Variants in SCAF8 observed in about 807,000 individuals in gnomAD.
SCAF8 encodes SR-related and CTD-associated factor 8.
SCAF8 carries 23 observed loss-of-function variants against 140.5 expected under a neutral mutation model. The ratio of observed to expected loss-of-function variants is 0.16; its 90% confidence interval spans 0.12 to 0.23. The LOEUF is 0.23. Ranked by LOEUF, SCAF8 falls within the 10% of genes least tolerant of loss-of-function variation. SCAF8 has a pLI of 1.00. For synonymous variants in SCAF8, 575 were observed against 528.9 expected, an observed-to-expected ratio of 1.09 and a Z score of -1.20; for missense variants, 1,397 against 1,555.7, an observed-to-expected ratio of 0.90 and a Z score of 1.72.
At chr6:154,788,046 T>G (rs1777304306) in intron 4 of SCAF8, 24 bp downstream of exon 4, 2 of 1,567,222 alleles carry the variant, frequency 1.3e-6, no homozygotes, top group Non-Finnish European at 1.7e-6. Context: ...TTTTTTTTTT[T>G]GTTTTTTTAA....
chr6:154,736,358 C>T (rs909601588), intron 1 of SCAF8, among the ~76,000 whole-genome samples: 1 of 150,540 alleles, frequency 6.6e-6, no homozygotes, highest in African/African-American at 2.5e-5. Flanking sequence ...GCAACCTCCA[C>T]CTCCTGGGTT....
chr6:154,831,825 A>G (rs924027569), intron 19 of SCAF8, 114 bp from the exon 20 acceptor site: 1 of 756,698 alleles, frequency 1.3e-6, no homozygotes, highest in African/African-American at 1.8e-5. Flanking sequence ...AAAAGATGTC[A>G]TGTAGTAGCT....
intron 2 of SCAF8, among the ~76,000 whole-genome samples, chr6:154,777,437 C>G (rs909347383): frequency 8.5e-5 from 13 of 152,114 alleles, no homozygotes; most frequent in African/African-American, 2.9e-4. Flanking sequence ...TCCGCTGATT[C>G]ATTTTGTCTG....
intron 6 of SCAF8, among the ~76,000 whole-genome samples, chr6:154,800,556 A>T (rs987274735): frequency 9.9e-5 from 15 of 151,656 alleles, no homozygotes; most frequent in African/African-American, 3.1e-4. Context: ...TGTTGAAGTC[A>T]CATGATCTTA....
intron 6 of SCAF8, among the ~76,000 whole-genome samples, 163 bp downstream of exon 6, chr6:154,795,302 T>C (rs1777569036): frequency 6.6e-6 from 1 of 152,222 alleles, no homozygotes; most frequent in Non-Finnish European, 1.5e-5. Flanking sequence ...TAATAGTGCA[T>C]CATGAATGCT....
chr6:154,805,713 G>A (rs962857948), intron 9 of SCAF8, among the ~76,000 whole-genome samples: 4 of 151,488 alleles, frequency 2.6e-5, no homozygotes, highest in Non-Finnish European at 4.4e-5. Context: ...GGTTTTTTCT[G>A]TAATCAAATT....
Position 154,823,827 on chromosome 6 carries a change from A to C in SCAF8, c.1927-407A>C, listed in dbSNP as rs184104475. 5.3e-5 allele frequency among the ~76,000 whole-genome samples: 8 copies of C among 152,338 alleles called. No individual in the cohort carries two copies. The East Asian group carries it at 1.4e-3, about 26-fold the overall frequency. ...ACTTTACCTAGAGTGAGTAAAAGGT[A>C]CTTATGCTAGGATTAGAAAATAAAT... On this transcript the variant is annotated intron_variant, in intron 16 of 19. Coordinates refer to ENST00000367178, the MANE Select transcript of SCAF8 (RefSeq NM_014892.5).
chr6:154,809,152 C>T (rs1051848375), intron 11 of SCAF8, among the ~76,000 whole-genome samples: 1 of 151,870 alleles, frequency 6.6e-6, no homozygotes, highest in Non-Finnish European at 1.5e-5. Context: ...CACAGTGATA[C>T]CAAAAATGGT....
At chr6:154,767,962 A>G (rs1776629764) in intron 1 of SCAF8, among the ~76,000 whole-genome samples, 1 of 152,164 alleles carries the variant, frequency 6.6e-6, no homozygotes, top group Admixed American at 6.5e-5. Context: ...GGATCACATA[A>G]TGACTTACCT....
Position 154,833,521 on chromosome 6 carries a change from C to A in SCAF8, c.*126C>A. ...ATTAAGTTAATCTGATGTTCATGTT[C>A]ACCTTTCTCTTAAAATAATTGTACA... On this transcript the variant is annotated 3_prime_UTR_variant, in exon 20 of 20. Coordinates refer to ENST00000367178, the MANE Select transcript of SCAF8 (RefSeq NM_014892.5). The A allele has an allele frequency of 1.2e-6, 1 of 861,190 alleles. No homozygotes were observed. The highest frequency in any genetic ancestry group is 1.8e-6 in the Non-Finnish European group (1 of 561,786). The allele number at this position is 861,190 out of a possible 1,614,324, so 53.3% of individuals were successfully genotyped here. A position where few individuals can be genotyped will look rare whatever the true frequency, so the allele number is the denominator to read the frequency against.
rs1023974090 is a variant in SCAF8, at chr6:154,733,704, C to G, written c.-197C>G. 6 of 1,315,522 alleles carry G rather than the reference C, an allele frequency of 4.6e-6. No homozygotes were observed. The African/African-American group carries it at 9.3e-5, about 20-fold the overall frequency. The allele number at this position is 1,315,522 out of a possible 1,614,324, so 81.5% of individuals were successfully genotyped here. A position where few individuals can be genotyped will look rare whatever the true frequency, so the allele number is the denominator to read the frequency against. On this transcript the variant is annotated 5_prime_UTR_variant, in exon 1 of 20. Coordinates refer to ENST00000367178, the MANE Select transcript of SCAF8 (RefSeq NM_014892.5). ...GCTCCCCCCGCCCTAGCGGCCATGC[C>G]GGTGCCGCTCTGCCGCTGAGGGAGC...
intron 18 of SCAF8, among the ~76,000 whole-genome samples, chr6:154,827,953 C>G (rs1277403078): frequency 6.6e-6 from 1 of 152,036 alleles, no homozygotes; most frequent in Non-Finnish European, 1.5e-5. Context: ...TGCACAGGCT[C>G]TCATTATCAA....
At chr6:154,766,865 T>C (rs916294112) in intron 1 of SCAF8, among the ~76,000 whole-genome samples, 1 of 152,118 alleles carries the variant, frequency 6.6e-6, no homozygotes, top group African/African-American at 2.4e-5. Context: ...CAGACTTATA[T>C]GATGTTCTAT....
intron 1 of SCAF8, among the ~76,000 whole-genome samples, chr6:154,741,276 G>T: frequency 6.6e-6 from 1 of 152,198 alleles, no homozygotes; most frequent in East Asian, 1.9e-4. Flanking sequence ...TTTTAGGCAT[G>T]ATGGAAATGC....
At position 154,795,572 on chromosome 6, in the gene SCAF8, C is replaced by T. The variant is rs991701037; in HGVS notation, c.606+433C>T. Among the ~76,000 whole-genome samples, 19 of 152,060 alleles carry T rather than the reference C, an allele frequency of 1.2e-4. 1 individual carries two copies. The highest frequency in any genetic ancestry group is 8.5e-4 in the Admixed American group (13 of 15,274). The stretch of plus-strand genomic sequence containing the variant: ...TTGGGGGAAGGGGTCAGGAGTAGAG[C>T]GGATAGCCAACAGGAGGTGTATTTG... On this transcript the variant is annotated intron_variant, in intron 6 of 19. Transcript: ENST00000367178.
At chr6:154,792,754 C>T (rs1777460545) in intron 4 of SCAF8, 69 bp from the exon 5 acceptor site, 1 of 1,072,086 alleles carries the variant, frequency 9.3e-7, no homozygotes, top group Non-Finnish European at 1.3e-6. Flanking sequence ...CCCAGATAGC[C>T]TCTATGAAAT....
At position 154,818,506 on chromosome 6, in the gene SCAF8, G is replaced by A. The variant is rs1778320093; in HGVS notation, c.1549G>A (p.Val517Ile). The A allele has an allele frequency of 1.9e-6, 3 of 1,606,454 alleles. No homozygotes were observed. In the African/African-American group the frequency reaches 4.0e-5, roughly 22 times the overall value. The change falls in exon 14 of 20, where the codon GTC (valine) becomes ATC (isoleucine). Residue 517 changes from valine to isoleucine, a missense_variant. By Grantham distance (29) the Val-to-Ile change is conservative (BLOSUM62 3). Transcript: ENST00000367178. ...GATTCCTCCCCGGGGCTGTGCTTAT[G>A]TCTGCATGGTTCATCGACAAGATGC... ...NMIPPRGCAY[V>I]CMVHRQDAFR...
chr6:154,745,339 A>G (rs1778671845), intron 1 of SCAF8, among the ~76,000 whole-genome samples: 1 of 152,218 alleles, frequency 6.6e-6, no homozygotes, highest in South Asian at 2.1e-4. Flanking sequence ...CATGTTGTCC[A>G]CATATTCCAT....
intron 9 of SCAF8, among the ~76,000 whole-genome samples, chr6:154,806,380 C>G (rs1033005782): frequency 1.3e-5 from 2 of 152,020 alleles, no homozygotes; most frequent in Non-Finnish European, 2.9e-5. Context: ...AGCATACATC[C>G]TAATATTAAA....
Sources: gnomAD v4.1 joint callset for allele counts (sites outside exome capture counted in the v4.1 genomes callset) on GRCh38, gnomAD v4.1.1 for gene constraint, MANE v1.5 for transcripts, NCBI Gene and HGNC (gene_info 2026-07-23, HGNC 2026-07-21) for gene names.